CTNNA3: variants seen among roughly 807,000 people sequenced by gnomAD.
CTNNA3 encodes catenin alpha 3.
A neutral mutation model predicts 95.7 loss-of-function variants in CTNNA3; 76 were observed. That is an observed-to-expected ratio of 0.79 (90% CI 0.66 to 0.96). The LOEUF (loss-of-function observed/expected upper bound fraction) is 0.96. Ranked by LOEUF, CTNNA3 falls within the 40% of genes least tolerant of loss-of-function variation. The pLI, the probability that CTNNA3 is intolerant of heterozygous loss-of-function variation, is 0.00. For missense variants in CTNNA3, 1,191 were observed against 1,089.8 expected, an observed-to-expected ratio of 1.09 and a Z score of -1.31; for synonymous variants, 431 against 374.4, an observed-to-expected ratio of 1.15 and a Z score of -1.74.
At position 66,899,873 on chromosome 10, in the gene CTNNA3, G is replaced by A. The variant is rs147747961; in HGVS notation, c.1048-124349C>T. Among the ~76,000 whole-genome samples the A allele has an allele frequency of 3.9e-3, 596 of 152,218 alleles. 2 individuals carry two copies. The highest frequency in any genetic ancestry group is 0.013 in the African/African-American group (552 of 41,534). On this transcript the variant is annotated intron_variant, in intron 7 of 17. Transcript: ENST00000433211. ...AAGCTCAAACTGAGCGGAGCCCACC[G>A]CAGCTCAACAAGGCCTACTGCCTCT... is the stretch of plus-strand genomic sequence containing the variant.
intron 2 of CTNNA3, among the ~76,000 whole-genome samples, chr10:67,630,464 C>T (rs1055653986): frequency 2.0e-5 from 3 of 152,138 alleles, no homozygotes; most frequent in African/African-American, 7.2e-5. Context: ...CAAGCAGAAA[C>T]CCCAGCTCAC....
chr10:67,258,630 T>TA (rs1276116450), intron 5 of CTNNA3, among the ~76,000 whole-genome samples: 1 of 152,216 alleles, frequency 6.6e-6, no homozygotes, highest in African/African-American at 2.4e-5. Flanking sequence ...TGATTTTTTT[T>TA]ACCCTTAAGT....
At chr10:67,025,135 CA>C (rs1173565397) in intron 7 of CTNNA3, among the ~76,000 whole-genome samples, 6 of 28,826 alleles carry the variant, frequency 2.1e-4, no homozygotes, top group African/African-American at 1.4e-4. Context: ...CTGTCAAAAA[CA>C]AAAAAAAAAA....
At chr10:67,574,371 T>C (rs1390657790) in intron 3 of CTNNA3, among the ~76,000 whole-genome samples, 1 of 152,168 alleles carries the variant, frequency 6.6e-6, no homozygotes, top group Non-Finnish European at 1.5e-5. Context: ...TTCCTTCCAA[T>C]GTTTGATAAT....
intron 13 of CTNNA3, among the ~76,000 whole-genome samples, chr10:66,119,810 C>T (rs2082498161): frequency 6.6e-6 from 1 of 151,968 alleles, no homozygotes; most frequent in South Asian, 2.1e-4. Flanking sequence ...GATGAGGAAC[C>T]AATAAAGAGC....
chr10:66,284,318 T>A (rs1181681746), intron 12 of CTNNA3, among the ~76,000 whole-genome samples: 4 of 151,964 alleles, frequency 2.6e-5, no homozygotes, highest in Admixed American at 2.6e-4. Context: ...AGGCAGGAAC[T>A]ATTACTATCC....
At chr10:66,009,809 T>C (rs371923381) in intron 15 of CTNNA3, among the ~76,000 whole-genome samples, 1 of 152,234 alleles carries the variant, frequency 6.6e-6, no homozygotes, top group African/African-American at 2.4e-5. Context: ...CATGGCTGAC[T>C]CATGCTCGGT....
intron 17 of CTNNA3, among the ~76,000 whole-genome samples, chr10:65,965,450 G>A (rs192288252): frequency 1.3e-3 from 180 of 138,276 alleles, no homozygotes; most frequent in Middle Eastern, 4.1e-3. Context: ...TGTCGCCCAG[G>A]CTGGAGTGCA....
chr10:67,316,102 A>C (rs1345052944), intron 5 of CTNNA3, among the ~76,000 whole-genome samples: 1 of 152,168 alleles, frequency 6.6e-6, no homozygotes, highest in Non-Finnish European at 1.5e-5. Context: ...TCTGAGTGGA[A>C]TCAACAGCTC....
intron 14 of CTNNA3, among the ~76,000 whole-genome samples, chr10:66,096,116 T>C (rs565159939): frequency 2.0e-5 from 3 of 152,326 alleles, no homozygotes; most frequent in African/African-American, 7.2e-5. Flanking sequence ...GTTCTATTCA[T>C]TAAACTCAAT....
chr10:66,022,838 C>T (rs2079249214), intron 15 of CTNNA3, among the ~76,000 whole-genome samples: 1 of 152,128 alleles, frequency 6.6e-6, no homozygotes, highest in African/African-American at 2.4e-5. Flanking sequence ...TTTCCTTAGC[C>T]TATAATCGTT....
intron 10 of CTNNA3, among the ~76,000 whole-genome samples, chr10:66,542,699 G>A (rs1224597881): frequency 6.7e-6 from 1 of 148,788 alleles, no homozygotes; most frequent in Non-Finnish European, 1.5e-5. Context: ...GAGAACACTT[G>A]GACACAGGAA....
intron 3 of CTNNA3, 67 bp from the exon 4 acceptor site, chr10:67,539,736 G>C: frequency 7.0e-7 from 1 of 1,428,058 alleles, no homozygotes; most frequent in South Asian, 1.3e-5. Flanking sequence ...GGATTTATCA[G>C]CTAACCTAAT....
upstream of CTNNA3, among the ~76,000 whole-genome samples, chr10:67,697,197 T>C (rs1158630015): frequency 6.6e-6 from 1 of 152,200 alleles, no homozygotes; most frequent in Non-Finnish European, 1.5e-5. Context: ...ATGGGCATAA[T>C]TGACAATATA....
intron 9 of CTNNA3, among the ~76,000 whole-genome samples, chr10:66,741,239 T>C (rs575229777): frequency 2.0e-5 from 3 of 152,180 alleles, no homozygotes; most frequent in Non-Finnish European, 2.9e-5. Flanking sequence ...TTCTGGGTTA[T>C]GATAGTGGAT....
intron 9 of CTNNA3, among the ~76,000 whole-genome samples, chr10:66,724,368 A>C (rs1477257125): frequency 3.9e-5 from 6 of 152,208 alleles, no homozygotes; most frequent in African/African-American, 1.4e-4. Context: ...AGACCCTTAG[A>C]AAACACATGG....
intron 15 of CTNNA3, among the ~76,000 whole-genome samples, chr10:66,044,182 G>T (rs538426623): frequency 6.6e-6 from 1 of 152,220 alleles, no homozygotes; most frequent in Admixed American, 6.5e-5. Context: ...AGTACAGACG[G>T]AGTTTCGCCA....
intron 9 of CTNNA3, among the ~76,000 whole-genome samples, chr10:66,705,985 C>A (rs979801315): frequency 6.6e-6 from 1 of 152,080 alleles, no homozygotes; most frequent in Admixed American, 6.6e-5. Context: ...TACATCTTCT[C>A]AGTTAAATCT....
At chr10:66,491,430 G>A (rs1839919020) in intron 11 of CTNNA3, among the ~76,000 whole-genome samples, 1 of 152,136 alleles carries the variant, frequency 6.6e-6, no homozygotes, top group Admixed American at 6.5e-5. Flanking sequence ...CAGATGGAGT[G>A]GAAGAAGCCT....
Sources: gnomAD v4.1 joint callset for allele counts (sites outside exome capture counted in the v4.1 genomes callset) on GRCh38, gnomAD v4.1.1 for gene constraint, MANE v1.5 for transcripts, NCBI Gene and HGNC (gene_info 2026-07-23, HGNC 2026-07-21) for gene names.